The following TJP1 variants were observed in gnomAD, a reference collection of about 807,000 sequenced individuals.
The protein encoded by TJP1 is tight junction protein ZO-1.
A neutral mutation model predicts 194.2 loss-of-function variants in TJP1; 43 were observed. That is an observed-to-expected ratio of 0.22 (90% CI 0.17 to 0.29). The LOEUF is 0.29. Ranked by LOEUF, TJP1 falls within the 10% of genes least tolerant of loss-of-function variation. TJP1 has a pLI of 1.00. For synonymous variants in TJP1, 801 were observed against 779.0 expected (o/e 1.03, Z -0.47); for missense variants, 1,971 against 2,185.7 (o/e 0.90, Z 1.96).
At chr15:29,797,644 A>G (rs1021065662) in intron 2 of TJP1, among the ~76,000 whole-genome samples, 2 of 152,082 alleles carry the variant, frequency 1.3e-5, no homozygotes, top group Non-Finnish European at 2.9e-5. Flanking sequence ...GAATAATCAC[A>G]GAGTAAAAAG....
At chr15:29,789,025 A>C (rs971986932) in intron 2 of TJP1, among the ~76,000 whole-genome samples, 1 of 152,242 alleles carries the variant, frequency 6.6e-6, no homozygotes, top group Non-Finnish European at 1.5e-5. Context: ...CAATTTTGTA[A>C]GATCAACTCA....
chr15:29,757,311 T>C (rs1047030289), intron 8 of TJP1, among the ~76,000 whole-genome samples: 32 of 152,210 alleles, frequency 2.1e-4, no homozygotes, highest in Non-Finnish European at 2.6e-4. Flanking sequence ...CAAGACAGAC[T>C]TCCTTTTACA....
intron 10 of TJP1, among the ~76,000 whole-genome samples, chr15:29,740,149 G>A (rs1048787116): frequency 6.6e-6 from 1 of 151,788 alleles, no homozygotes. Flanking sequence ...CTAATTTTTT[G>A]TATTTTTAGT....
intron 2 of TJP1, among the ~76,000 whole-genome samples, chr15:29,884,796 A>T (rs1210256533): frequency 1.3e-5 from 2 of 152,100 alleles, no homozygotes; most frequent in Non-Finnish European, 2.9e-5. Flanking sequence ...TGCCACAAAC[A>T]CCACAGGAGC....
At chr15:29,882,471 C>G (rs138378280) in intron 2 of TJP1, among the ~76,000 whole-genome samples, 2 of 152,232 alleles carry the variant, frequency 1.3e-5, no homozygotes, top group Non-Finnish European at 2.9e-5. Context: ...TTCTAAATGG[C>G]TAGGCAAACA....
At chr15:29,931,997 C>T (rs2054731270) in intron 2 of TJP1, among the ~76,000 whole-genome samples, 1 of 152,180 alleles carries the variant, frequency 6.6e-6, no homozygotes, top group Admixed American at 6.5e-5. Context: ...TGAGGACCAC[C>T]AGAAGTCACT....
At chr15:29,769,916 T>C (rs1451097599) in intron 4 of TJP1, among the ~76,000 whole-genome samples, 2 of 152,276 alleles carry the variant, frequency 1.3e-5, no homozygotes, top group East Asian at 1.9e-4. Context: ...TTTTTTTTTC[T>C]ACATGTTAAC....
intron 23 of TJP1, among the ~76,000 whole-genome samples, chr15:29,715,623 A>G (rs1028916199): frequency 6.6e-6 from 1 of 152,196 alleles, no homozygotes; most frequent in Non-Finnish European, 1.5e-5. Flanking sequence ...ATGAATTCTA[A>G]TATGTCAATC....
intron 2 of TJP1, among the ~76,000 whole-genome samples, chr15:29,923,055 C>T (rs1292903617): frequency 6.6e-6 from 1 of 152,134 alleles, no homozygotes; most frequent in Admixed American, 6.6e-5. Context: ...AGAAGACTGA[C>T]ATTTTTAGTG....
At chr15:29,954,013 C>A (rs748482104) in intron 2 of TJP1, among the ~76,000 whole-genome samples, 1 of 152,156 alleles carries the variant, frequency 6.6e-6, no homozygotes, top group African/African-American at 2.4e-5. Flanking sequence ...TGTTAAAATG[C>A]CTCCCTTCAG....
intron 13 of TJP1, 116 bp downstream of exon 13, chr15:29,732,978 T>C: frequency 7.8e-7 from 1 of 1,279,816 alleles, no homozygotes; most frequent in Non-Finnish European, 1.1e-6. Context: ...CAGTTATAGA[T>C]ACGTTGAATA....
rs1459562451 is a variant in TJP1, at chr15:29,719,954, G to GCA, written c.2825_2826insTG (p.Ser943AlafsTer8). On this transcript the variant is annotated frameshift_variant, in exon 20 of 28. Transcript: ENST00000614355. LOFTEE classifies it high-confidence loss of function. ...AATTTACATTATGATTAACAGCAGA[G>GCA]GTTGATGATGCTGGGTTTGTTTCAG... 1 of 1,614,066 alleles carries GCA rather than the reference G, an allele frequency of 6.2e-7. No individual in the cohort carries two copies. The highest frequency in any genetic ancestry group is 8.5e-7 in the Non-Finnish European group (1 of 1,180,028).
intron 2 of TJP1, among the ~76,000 whole-genome samples, chr15:29,782,334 G>C (rs1308009239): frequency 6.6e-6 from 1 of 152,146 alleles, no homozygotes; most frequent in Non-Finnish European, 1.5e-5. Context: ...GCATGGTACT[G>C]TAACAAAGAC....
chr15:29,815,266 T>G (rs2049833350), intron 1 of TJP1, among the ~76,000 whole-genome samples: 1 of 152,206 alleles, frequency 6.6e-6, no homozygotes, highest in African/African-American at 2.4e-5. Flanking sequence ...ATGCAAGAAA[T>G]ACTGCAACAC....
intron 1 of TJP1, among the ~76,000 whole-genome samples, chr15:29,962,349 C>T (rs1262409823): frequency 2.6e-5 from 4 of 152,164 alleles, no homozygotes. Context: ...CAAACAACTC[C>T]CAAGCTCATC....
At position 29,748,090 on chromosome 15, in the gene TJP1, AAG is replaced by A. The variant is rs1241950494; in HGVS notation, c.1011-5311_1011-5310del. On this transcript the variant is annotated intron_variant, in intron 8 of 27. Coordinates refer to ENST00000614355, the MANE Select transcript of TJP1 (RefSeq NM_001330239.4). ...ATAAAGATCTAGAACAGTACTGTTTAAGAGAATTATAAAATGAGCTGCTTACG... is the reference window on the plus strand; with the variant it reads ...ATAAAGATCTAGAACAGTACTGTTTAAGAATTATAAAATGAGCTGCTTACG... 2.6e-5 allele frequency among the ~76,000 whole-genome samples: 4 copies of A among 152,324 alleles called. No homozygotes were observed. The South Asian group carries it at 6.2e-4, about 24-fold the overall frequency.
At chr15:29,941,320 T>TA (rs2055067998) in intron 2 of TJP1, among the ~76,000 whole-genome samples, 1 of 152,214 alleles carries the variant, frequency 6.6e-6, no homozygotes, top group Non-Finnish European at 1.5e-5. Flanking sequence ...GCCTATGCAC[T>TA]GGTGAGGTTC....
In TJP1 at chr15:29,700,640, C is replaced by A; in HGVS notation, c.*955G>T. ...ACCAAGAACAAAAGTGGTATGCACG[C>A]ATTATGTACAAGCATCCTTAAAACA... On this transcript the variant is annotated 3_prime_UTR_variant, in exon 28 of 28. Transcript: ENST00000614355. The A allele has an allele frequency of 6.1e-6, 2 of 329,616 alleles. No homozygotes were observed. The highest frequency in any genetic ancestry group is 5.4e-6 in the Non-Finnish European group (1 of 184,692). 20.4% of individuals were successfully genotyped at this position (329,616 alleles called of 1,614,324 possible). A position where few individuals can be genotyped will look rare whatever the true frequency, so the allele number is the denominator to read the frequency against.
chr15:29,949,426 A>ACC (rs2055466989), intron 2 of TJP1, among the ~76,000 whole-genome samples: 3 of 61,010 alleles, frequency 4.9e-5, no homozygotes, highest in South Asian at 1.2e-3. Flanking sequence ...CTACCTCCAC[A>ACC]ACCACCACCT....
Sources: gnomAD v4.1 joint callset for allele counts (sites outside exome capture counted in the v4.1 genomes callset) on GRCh38, gnomAD v4.1.1 for gene constraint, MANE v1.5 for transcripts, NCBI Gene and HGNC (gene_info 2026-07-23, HGNC 2026-07-21) for gene names.